ASH2L: variants seen among roughly 807,000 people sequenced by gnomAD.
ASH2L encodes the protein set1/Ash2 histone methyltransferase complex subunit ASH2.
In ASH2L, 30 loss-of-function variants were observed where a neutral mutation model predicts 81.1. The ratio of observed to expected loss-of-function variants is 0.37; its 90% confidence interval spans 0.28 to 0.50. The LOEUF (loss-of-function observed/expected upper bound fraction) is 0.50. ASH2L is among the 20% of genes least tolerant of loss of function. ASH2L has a pLI of 0.95. For synonymous variants in ASH2L, 273 were observed against 279.9 expected, an observed-to-expected ratio of 0.98 and a Z score of 0.24; for missense variants, 559 against 792.1, an observed-to-expected ratio of 0.71 and a Z score of 3.53.
At chr8:38,135,917 A>G in intron 14 of ASH2L, 151 bp downstream of exon 14, 1 of 567,012 alleles carries the variant, frequency 1.8e-6, no homozygotes, top group Non-Finnish European at 3.1e-6. Context: ...GTCCAGAAAC[A>G]GTTTGGGCAT....
intron 13 of ASH2L, 33 bp downstream of exon 13, chr8:38,133,579 A>G: frequency 3.3e-6 from 5 of 1,510,802 alleles, no homozygotes; most frequent in Non-Finnish European, 4.5e-6. Context: ...TTAGAATCAT[A>G]AGGCCTTGAG....
chr8:38,110,854 A>C, intron 5 of ASH2L, 21 bp downstream of exon 5: 1 of 1,592,918 alleles, frequency 6.3e-7, no homozygotes, highest in Non-Finnish European at 8.6e-7. Flanking sequence ...AACTAATGTG[A>C]TTGCAGTTAT....
chr8:38,111,413 A>G (rs2130484070), intron 5 of ASH2L, among the ~76,000 whole-genome samples: 1 of 151,900 alleles, frequency 6.6e-6, no homozygotes, highest in South Asian at 2.1e-4. Context: ...TTTTTCCAAA[A>G]TTATTTTGAA....
At chr8:38,114,808 C>A (rs562384689) in intron 6 of ASH2L, 97 bp from the exon 7 acceptor site, 2 of 754,024 alleles carry the variant, frequency 2.7e-6, no homozygotes, top group Admixed American at 2.6e-5. Context: ...TTGGACACTG[C>A]ACCTAGGAAT....
At chr8:38,121,527 A>G (rs1365746893) in intron 10 of ASH2L, among the ~76,000 whole-genome samples, 2 of 151,978 alleles carry the variant, frequency 1.3e-5, no homozygotes, top group African/African-American at 4.8e-5. Flanking sequence ...AACATTGGTA[A>G]ATATTATCAA....
At chr8:38,108,871 G>C (rs190141587) in intron 3 of ASH2L, among the ~76,000 whole-genome samples, 120 of 152,282 alleles carry the variant, frequency 7.9e-4, no homozygotes, top group African/African-American at 2.8e-3. Flanking sequence ...CGTGAGCCCA[G>C]GACTTCGAGA....
At chr8:38,127,703 A>C (rs1801906250) in intron 10 of ASH2L, among the ~76,000 whole-genome samples, 1 of 149,246 alleles carries the variant, frequency 6.7e-6, no homozygotes, top group South Asian at 2.1e-4. Flanking sequence ...AGATCGTGCC[A>C]CTGTACTCCA....
intron 10 of ASH2L, among the ~76,000 whole-genome samples, chr8:38,126,270 C>G (rs552001334): frequency 6.5e-4 from 98 of 151,598 alleles, no homozygotes; most frequent in African/African-American, 2.2e-3. Context: ...ACTGAAATGA[C>G]CAATATTCTT....
chr8:38,119,393 A>G (rs558770992), intron 9 of ASH2L, 30 bp downstream of exon 9: 3 of 1,469,292 alleles, frequency 2.0e-6, no homozygotes, highest in African/African-American at 1.5e-5. Context: ...TGCCCCCCTC[A>G]CTATTTAAGT....
At chr8:38,137,389 C>CAAAAAAAAAAAAAA (rs71216651) in intron 14 of ASH2L, 1 of 124,154 alleles carries the variant, frequency 8.1e-6, no homozygotes, top group Non-Finnish European at 1.6e-5. Context: ...TCTAAAAATA[C>CAAAAAAAAAAAAAA]AAAAAAAAAA....
At chr8:38,107,807 C>T (rs758697166) in intron 3 of ASH2L, among the ~76,000 whole-genome samples, 6 of 151,512 alleles carry the variant, frequency 4.0e-5, no homozygotes, top group Non-Finnish European at 7.4e-5. Flanking sequence ...ACTATCTAAA[C>T]ATAAGGCTGC....
intron 14 of ASH2L, 68 bp from the exon 15 acceptor site, chr8:38,138,748 G>A: frequency 7.1e-7 from 1 of 1,408,512 alleles, no homozygotes. Context: ...AATTTCCTGT[G>A]TCAAATTAAC....
At chr8:38,129,369 G>A (rs959466149) in intron 12 of ASH2L, among the ~76,000 whole-genome samples, 4 of 152,060 alleles carry the variant, frequency 2.6e-5, no homozygotes, top group Admixed American at 1.3e-4. Flanking sequence ...GATGGTTCAC[G>A]CCTATAATCC....
chr8:38,116,488 G>A (rs913207349), intron 7 of ASH2L, among the ~76,000 whole-genome samples, 162 bp from the exon 8 acceptor site: 2 of 152,162 alleles, frequency 1.3e-5, no homozygotes, highest in Non-Finnish European at 2.9e-5. Flanking sequence ...AGCCGAGATC[G>A]CGCCACTGTA....
At chr8:38,121,469 TGATAATATCTTA>T (rs1396416922) in intron 10 of ASH2L, among the ~76,000 whole-genome samples, 2 of 151,042 alleles carry the variant, frequency 1.3e-5, no homozygotes, top group African/African-American at 4.9e-5. Flanking sequence ...CTTTTCCTAA[TGATAATATCTTA>T]GAAAACCATA....
Position 38,128,404 on chromosome 8 carries a change from G to A in ASH2L, c.1279G>A (p.Val427Met). ...RKGAWYFEIT[V>M]DEMPPDTAAR... The stretch of plus-strand genomic sequence containing the variant: ...AGGTGCCTGGTATTTTGAAATCACT[G>A]TGGATGAGATGCCACCAGATACCGC... The change falls in exon 11 of 16, where the codon GTG becomes ATG. Residue 427 changes from valine (V) to methionine (M), a missense_variant. Around this residue, in one of 4 missense-constraint regions of ASH2L, gnomAD observed 318 missense variants for 527.0 expected, o/e 0.60. Transcript: ENST00000343823. The A allele has an allele frequency of 6.2e-7, 1 of 1,614,174 alleles. No individual in the cohort carries two copies. The highest frequency in any genetic ancestry group is 8.5e-7 in the Non-Finnish European group (1 of 1,180,038).
At chr8:38,106,941 A>G in intron 2 of ASH2L, 80 bp from the exon 3 acceptor site, 1 of 1,535,332 alleles carries the variant, frequency 6.5e-7, no homozygotes, top group Non-Finnish European at 8.8e-7. Flanking sequence ...ACATAGGGAG[A>G]CCCCCGTCTC....
At chr8:38,125,162 C>G (rs1446988497) in intron 10 of ASH2L, among the ~76,000 whole-genome samples, 2 of 152,202 alleles carry the variant, frequency 1.3e-5, no homozygotes, top group Non-Finnish European at 2.9e-5. Context: ...CACTTAGGGT[C>G]AAATACCCAA....
chr8:38,110,864 T>C (rs1236387929), intron 5 of ASH2L, 31 bp downstream of exon 5: 2 of 1,571,096 alleles, frequency 1.3e-6, no homozygotes, highest in South Asian at 1.1e-5. Context: ...ATTGCAGTTA[T>C]ATTGAAGAGT....
Sources: allele counts gnomAD v4.1 joint callset (sites outside exome capture counted in the v4.1 genomes callset), GRCh38; gene constraint gnomAD v4.1.1; regional missense constraint gnomAD v4.1.1; transcripts MANE v1.5; gene names NCBI Gene and HGNC (gene_info 2026-07-23, HGNC 2026-07-21).